CELF2: variants seen among roughly 807,000 people sequenced by gnomAD.
The protein encoded by CELF2 is CUG triplet repeat RNA-binding protein 2.
A neutral mutation model predicts 62.6 loss-of-function variants in CELF2; 8 were observed. The ratio of observed to expected loss-of-function variants is 0.13; its 90% confidence interval spans 0.07 to 0.23. The LOEUF (loss-of-function observed/expected upper bound fraction) is 0.23, where lower values mean the gene tolerates loss of function less well. Among genes scored for constraint, CELF2 ranks in the 10% least tolerant of loss-of-function variants. CELF2 has a pLI of 1.00. For synonymous variants in CELF2, 258 were observed against 250.0 expected (o/e 1.03, Z -0.30); for missense variants, 333 against 671.0 (o/e 0.50, Z 5.56).
intron 9 of CELF2, among the ~76,000 whole-genome samples, chr10:11,298,788 T>C (rs578160413): frequency 6.6e-6 from 1 of 152,320 alleles, no homozygotes; most frequent in East Asian, 1.9e-4. Flanking sequence ...CGAATCATTA[T>C]TTTGGAGTGA....
chr10:10,526,021 C>T, the CELF2 span, among the ~76,000 whole-genome samples: 18 of 152,142 alleles, frequency 1.2e-4, no homozygotes, highest in Non-Finnish European at 1.8e-4. Context: ...CTAACGGGTG[C>T]GAGGTGATAG....
intron 1 of CELF2, among the ~76,000 whole-genome samples, chr10:11,019,793 T>C (rs2058015515): frequency 6.6e-6 from 1 of 152,190 alleles, no homozygotes; most frequent in Non-Finnish European, 1.5e-5. Flanking sequence ...CTCTGTCCTG[T>C]CCCCCATCTT....
upstream of CELF2, chr10:10,795,064 A>G (rs2131393896): frequency 6.6e-6 from 1 of 152,230 alleles, no homozygotes; most frequent in African/African-American, 2.4e-5. Flanking sequence ...AGGAGGTACA[A>G]ACAGTGGGCT....
chr10:10,531,324 G>C, the CELF2 span, among the ~76,000 whole-genome samples: 2 of 152,158 alleles, frequency 1.3e-5, no homozygotes, highest in Non-Finnish European at 1.5e-5. Context: ...TGAGAAATCT[G>C]TATTGTAACA....
chr10:10,969,710 A>G (rs148898952), intron 2 of CELF2, among the ~76,000 whole-genome samples: 22 of 152,306 alleles, frequency 1.4e-4, no homozygotes, highest in Non-Finnish European at 2.6e-4. Context: ...ATATAGATGC[A>G]TTCCCTAAAA....
At chr10:10,975,692 A>G (rs898573445) in intron 2 of CELF2, among the ~76,000 whole-genome samples, 1 of 152,262 alleles carries the variant, frequency 6.6e-6, no homozygotes, top group Non-Finnish European at 1.5e-5. Flanking sequence ...TGCTAAGCAC[A>G]TTCACATATA....
the CELF2 span, among the ~76,000 whole-genome samples, chr10:10,683,929 C>G: frequency 1.3e-5 from 2 of 152,154 alleles, no homozygotes; most frequent in African/African-American, 4.8e-5. Flanking sequence ...TTTCTATTCT[C>G]CTTTTTCCTC....
intron 1 of CELF2, among the ~76,000 whole-genome samples, chr10:10,858,686 GATA>G (rs750558964): frequency 4.6e-5 from 7 of 151,958 alleles, no homozygotes; most frequent in Non-Finnish European, 8.8e-5. Context: ...CATAGTACTT[GATA>G]ATAAATTGTT....
At chr10:11,080,519 C>T (rs952998334) in intron 1 of CELF2, among the ~76,000 whole-genome samples, 2 of 152,196 alleles carry the variant, frequency 1.3e-5, no homozygotes, top group African/African-American at 4.8e-5. Context: ...ACCTGGACAT[C>T]TATAAAAATA....
At chr10:11,144,408 G>T (rs1429888765) in intron 1 of CELF2, among the ~76,000 whole-genome samples, 5 of 152,132 alleles carry the variant, frequency 3.3e-5, no homozygotes, top group Admixed American at 2.6e-4. Context: ...GGTGCAGAAT[G>T]TTTACTGTAT....
chr10:10,620,659 T>C, the CELF2 span, among the ~76,000 whole-genome samples: 2 of 151,920 alleles, frequency 1.3e-5, no homozygotes, highest in Non-Finnish European at 2.9e-5. Flanking sequence ...TCCCAGCACT[T>C]TGGGAGGCCG....
the CELF2 span, among the ~76,000 whole-genome samples, chr10:10,709,784 G>C: frequency 6.6e-6 from 1 of 152,142 alleles, no homozygotes; most frequent in Non-Finnish European, 1.5e-5. Context: ...AATTATGATC[G>C]ATTTTAAAAA....
the CELF2 span, among the ~76,000 whole-genome samples, chr10:10,650,919 A>G: frequency 1.3e-5 from 2 of 152,104 alleles, no homozygotes; most frequent in Non-Finnish European, 2.9e-5. Flanking sequence ...AGCGTGAGCG[A>G]CGCAGAAGAC....
intron 9 of CELF2, among the ~76,000 whole-genome samples, chr10:11,291,082 T>C (rs998593083): frequency 4.6e-5 from 7 of 152,204 alleles, no homozygotes; most frequent in Admixed American, 1.3e-4. Context: ...ATTTACTTTT[T>C]AAATAATAAT....
intron 10 of CELF2, chr10:11,317,507 A>G (rs956183686): frequency 6.6e-6 from 1 of 152,254 alleles, no homozygotes; most frequent in African/African-American, 2.4e-5. Flanking sequence ...TATACAAAGG[A>G]AAACTTACCC....
intron 2 of CELF2, among the ~76,000 whole-genome samples, chr10:10,992,458 A>G (rs886459088): frequency 3.9e-5 from 6 of 152,216 alleles, no homozygotes; most frequent in Admixed American, 2.0e-4. Context: ...ATGTCAATGT[A>G]GTGGGGACAT....
intron 1 of CELF2, among the ~76,000 whole-genome samples, chr10:10,902,555 G>A (rs942194260): frequency 2.0e-5 from 3 of 152,316 alleles, no homozygotes; most frequent in Middle Eastern, 3.4e-3. Flanking sequence ...GGAAACTTAC[G>A]TAGAGTGAAG....
chr10:11,076,177 C>T (rs1001121513), intron 1 of CELF2, among the ~76,000 whole-genome samples: 3 of 151,962 alleles, frequency 2.0e-5, no homozygotes, highest in Non-Finnish European at 4.4e-5. Context: ...AGCTTGTTAA[C>T]AGCATTGGCC....
At chr10:11,034,278 G>A (rs545493419) in intron 1 of CELF2, among the ~76,000 whole-genome samples, 4 of 152,270 alleles carry the variant, frequency 2.6e-5, no homozygotes, top group South Asian at 4.1e-4. Context: ...GAAATTAACC[G>A]ATGTAACTTT....
Sources: gnomAD v4.1 joint callset for allele counts (sites outside exome capture counted in the v4.1 genomes callset) on GRCh38, gnomAD v4.1.1 for gene constraint, MANE v1.5 for transcripts, NCBI Gene and HGNC (gene_info 2026-07-23, HGNC 2026-07-21) for gene names.